The following ADGRA3 variants were observed in gnomAD, a reference collection of about 807,000 sequenced individuals.
ADGRA3 encodes the protein adhesion G protein-coupled receptor A3.
ADGRA3 carries 56 observed loss-of-function variants against 119.8 expected under a neutral mutation model. That is an observed-to-expected ratio of 0.47 (90% confidence interval 0.38 to 0.58). ADGRA3 has a LOEUF of 0.58. Among genes scored for constraint, ADGRA3 ranks in the 20% least tolerant of loss-of-function variants. The pLI is 0.00. For synonymous variants in ADGRA3, 607 were observed against 623.8 expected, an observed-to-expected ratio of 0.97 and a Z score of 0.40; for missense variants, 1,516 against 1,649.0, an observed-to-expected ratio of 0.92 and a Z score of 1.40.
chr4:22,465,880 T>C (rs1156518983), intron 2 of ADGRA3, among the ~76,000 whole-genome samples: 1 of 152,194 alleles, frequency 6.6e-6, no homozygotes, highest in Non-Finnish European at 1.5e-5. Context: ...GATAACTTTC[T>C]TTCAACTTCT....
chr4:22,422,114 C>G (rs761076070), intron 11 of ADGRA3, among the ~76,000 whole-genome samples: 7 of 152,162 alleles, frequency 4.6e-5, no homozygotes, highest in Admixed American at 1.3e-4. Flanking sequence ...CAAGGAGCCA[C>G]ACCTTCACAT....
At chr4:22,510,482 A>G (rs558229092) in intron 1 of ADGRA3, among the ~76,000 whole-genome samples, 1 of 151,724 alleles carries the variant, frequency 6.6e-6, no homozygotes, top group African/African-American at 2.4e-5. Flanking sequence ...CCTCCTGTTC[A>G]TGTTCCTCTA....
intron 16 of ADGRA3, among the ~76,000 whole-genome samples, chr4:22,400,019 A>G (rs1486336777): frequency 6.6e-6 from 1 of 152,196 alleles, no homozygotes; most frequent in African/African-American, 2.4e-5. Flanking sequence ...GATACTTGAT[A>G]GTCTTTGACA....
At chr4:22,508,523 G>T (rs963408328) in intron 1 of ADGRA3, among the ~76,000 whole-genome samples, 1 of 152,192 alleles carries the variant, frequency 6.6e-6, no homozygotes, top group Non-Finnish European at 1.5e-5. Flanking sequence ...TGGGTATTGA[G>T]AAATCAGGCT....
At chr4:22,515,272 A>G (rs1719604743) in intron 1 of ADGRA3, 2 of 312,634 alleles carry the variant, frequency 6.4e-6, no homozygotes, top group Non-Finnish European at 1.2e-5. Flanking sequence ...CGCCGGGGAC[A>G]GCGCGGGGAG....
At chr4:22,412,215 G>A (rs1178545490) in intron 14 of ADGRA3, among the ~76,000 whole-genome samples, 3 of 152,094 alleles carry the variant, frequency 2.0e-5, no homozygotes, top group East Asian at 3.9e-4. Flanking sequence ...TTTCACACTC[G>A]TCAGTAATTC....
intron 4 of ADGRA3, among the ~76,000 whole-genome samples, chr4:22,452,375 A>G (rs1490936318): frequency 6.6e-6 from 1 of 152,190 alleles, no homozygotes; most frequent in African/African-American, 2.4e-5. Context: ...ACAAAACTGC[A>G]CCTGTACCCC....
At chr4:22,429,195 C>A (rs995854851) in intron 10 of ADGRA3, among the ~76,000 whole-genome samples, 1 of 152,030 alleles carries the variant, frequency 6.6e-6, no homozygotes, top group Non-Finnish European at 1.5e-5. Context: ...ATAAAACATG[C>A]CAAAATACTG....
chr4:22,408,801 C>T (rs1715062456), intron 14 of ADGRA3, among the ~76,000 whole-genome samples: 1 of 152,170 alleles, frequency 6.6e-6, no homozygotes, highest in Non-Finnish European at 1.5e-5. Context: ...ACATGTCCAT[C>T]ATAAAACATA....
chr4:22,402,176 TAA>T (rs1178467666), intron 15 of ADGRA3, among the ~76,000 whole-genome samples: 8 of 152,126 alleles, frequency 5.3e-5, no homozygotes, highest in Non-Finnish European at 7.4e-5. Flanking sequence ...CACCACAAAA[TAA>T]AAGTTTCTAT....
At chr4:22,447,144 A>C (rs1005245947) in intron 5 of ADGRA3, among the ~76,000 whole-genome samples, 13 of 152,146 alleles carry the variant, frequency 8.5e-5, no homozygotes, top group African/African-American at 3.1e-4. Context: ...AATTAGTCAA[A>C]CAAGGCAACA....
intron 14 of ADGRA3, among the ~76,000 whole-genome samples, chr4:22,410,136 AAG>A (rs1715133248): frequency 7.2e-6 from 1 of 138,972 alleles, no homozygotes; most frequent in Non-Finnish European, 1.5e-5. Flanking sequence ...TCACTAGAAA[AAG>A]AAAATTAATG....
chr4:22,416,033 G>A (rs1008659530), intron 12 of ADGRA3, among the ~76,000 whole-genome samples: 1 of 152,092 alleles, frequency 6.6e-6, no homozygotes, highest in Admixed American at 6.6e-5. Context: ...AACTTCAGCC[G>A]TATCAATAAT....
intron 12 of ADGRA3, chr4:22,414,623 A>G: frequency 1.4e-6 from 1 of 699,218 alleles, no homozygotes; most frequent in Non-Finnish European, 2.6e-6. Context: ...AAACAAATCG[A>G]ATCATGTTAT....
chr4:22,486,661 A>G (rs1718441343), intron 1 of ADGRA3, among the ~76,000 whole-genome samples: 1 of 152,118 alleles, frequency 6.6e-6, no homozygotes, highest in South Asian at 2.1e-4. Context: ...TGGCAACTCT[A>G]ACCTATTTTG....
At chr4:22,430,978 C>T (rs1716142827) in intron 10 of ADGRA3, among the ~76,000 whole-genome samples, 3 of 152,190 alleles carry the variant, frequency 2.0e-5, no homozygotes, top group South Asian at 2.1e-4. Flanking sequence ...GCAGCTTCCA[C>T]GTGGTGTTGA....
At chr4:22,420,800 T>G in intron 12 of ADGRA3, 86 bp downstream of exon 12, 1 of 1,333,916 alleles carries the variant, frequency 7.5e-7, no homozygotes, top group Non-Finnish European at 1.1e-6. Context: ...AAAAATCTTT[T>G]AATAAGGTTA....
At chr4:22,399,680 C>T (rs112493256) in intron 16 of ADGRA3, among the ~76,000 whole-genome samples, 284 of 152,208 alleles carry the variant, frequency 1.9e-3, no homozygotes, top group African/African-American at 6.6e-3. Context: ...ATCCCATTGG[C>T]CAATTTATCT....
intron 5 of ADGRA3, among the ~76,000 whole-genome samples, chr4:22,445,421 A>G (rs893571480): frequency 5.9e-5 from 9 of 152,130 alleles, no homozygotes; most frequent in Non-Finnish European, 2.9e-5. Context: ...GCCACTGAAC[A>G]CCAGAGTTCT....
Sources: allele counts gnomAD v4.1 joint callset (sites outside exome capture counted in the v4.1 genomes callset), GRCh38; gene constraint gnomAD v4.1.1; transcripts MANE v1.5; gene names NCBI Gene and HGNC (gene_info 2026-07-23, HGNC 2026-07-21).